MGLL: variants seen among roughly 807,000 people sequenced by gnomAD.
MGLL encodes lysophospholipase homolog.
A neutral mutation model predicts 29.1 loss-of-function variants in MGLL; 7 were observed. The ratio of observed to expected loss-of-function variants is 0.24; its 90% confidence interval spans 0.14 to 0.45. The LOEUF (loss-of-function observed/expected upper bound fraction) is 0.45. Ranked by LOEUF, MGLL falls within the 20% of genes least tolerant of loss-of-function variation. The pLI, the probability that MGLL is intolerant of heterozygous loss-of-function variation, is 0.99. For synonymous variants in MGLL, 148 were observed against 168.3 expected, an observed-to-expected ratio of 0.88 and a Z score of 0.93; for missense variants, 356 against 413.6, an observed-to-expected ratio of 0.86 and a Z score of 1.21.
At chr3:127,763,519 C>CA (rs1323218645) in intron 3 of MGLL, among the ~76,000 whole-genome samples, 2 of 152,212 alleles carry the variant, frequency 1.3e-5, no homozygotes, top group Non-Finnish European at 2.9e-5. Context: ...TTCTGCTTGC[C>CA]AAGGGGCCTG....
At chr3:127,790,708 T>C (rs1312871685) in intron 2 of MGLL, among the ~76,000 whole-genome samples, 6 of 152,206 alleles carry the variant, frequency 3.9e-5, no homozygotes, top group African/African-American at 1.4e-4. Context: ...ACAATTTCCC[T>C]GACTCCCTAT....
chr3:127,747,019 T>A (rs1341183115), intron 3 of MGLL, among the ~76,000 whole-genome samples: 1 of 152,144 alleles, frequency 6.6e-6, no homozygotes, highest in Non-Finnish European at 1.5e-5. Flanking sequence ...CCACCTGAGG[T>A]CACAAGTGGG....
chr3:127,707,567 A>C (rs2075627251), intron 6 of MGLL, among the ~76,000 whole-genome samples: 1 of 152,230 alleles, frequency 6.6e-6, no homozygotes, highest in Non-Finnish European at 1.5e-5. Context: ...TTTGAGTGCC[A>C]AGGGCACTTG....
At chr3:127,731,082 T>C (rs1390163177) in intron 3 of MGLL, among the ~76,000 whole-genome samples, 1 of 152,256 alleles carries the variant, frequency 6.6e-6, no homozygotes, top group Non-Finnish European at 1.5e-5. Flanking sequence ...ACTCTAGCTA[T>C]AGCTGATGCA....
intron 2 of MGLL, among the ~76,000 whole-genome samples, chr3:127,808,234 T>C (rs546544587): frequency 6.6e-6 from 1 of 152,326 alleles, no homozygotes; most frequent in South Asian, 2.1e-4. Flanking sequence ...TTAGGCTCAG[T>C]ACTGTTAGGT....
At chr3:127,768,279 C>T (rs143822616) in intron 3 of MGLL, among the ~76,000 whole-genome samples, 1 of 152,296 alleles carries the variant, frequency 6.6e-6, no homozygotes, top group South Asian at 2.1e-4. Context: ...TAAGAAGGAG[C>T]ACTTCCCAAT....
chr3:127,786,837 T>A (rs2077223313), intron 2 of MGLL, among the ~76,000 whole-genome samples: 1 of 152,146 alleles, frequency 6.6e-6, no homozygotes. Flanking sequence ...AAGCCCCCCA[T>A]CGCTGTCCAC....
chr3:127,742,716 G>GGA (rs1170730895), intron 3 of MGLL, among the ~76,000 whole-genome samples: 1 of 152,060 alleles, frequency 6.6e-6, no homozygotes, highest in Non-Finnish European at 1.5e-5. Flanking sequence ...CCTTTGGTGG[G>GGA]GAGAGAGAGA....
chr3:127,812,475 A>G (rs965759733), intron 2 of MGLL, among the ~76,000 whole-genome samples: 6 of 152,356 alleles, frequency 3.9e-5, no homozygotes, highest in Admixed American at 1.3e-4. Context: ...AAGAAAAAAA[A>G]GGTGAGTAAC....
chr3:127,737,660 G>A (rs1212448800), intron 3 of MGLL, among the ~76,000 whole-genome samples: 2 of 30,710 alleles, frequency 6.5e-5, no homozygotes, highest in African/African-American at 2.7e-4. Context: ...TTTTTTTTTT[G>A]TGAGACAGGG....
chr3:127,775,736 C>T (rs76478695), intron 3 of MGLL, among the ~76,000 whole-genome samples: 3,614 of 152,272 alleles, frequency 0.024, 113 homozygotes, highest in East Asian at 0.076. Context: ...CTCCTGGAGC[C>T]GAGAGTGCGT....
rs11538700 is a variant in MGLL at position 127,692,247 on chromosome 3, A to G, written c.893T>C (p.Met298Thr). The G allele has an allele frequency of 5.0e-6, 8 of 1,614,014 alleles. No individual in the cohort carries two copies. Among genetic ancestry groups the G allele is most frequent in the African/African-American group, 1.3e-5 (1 of 74,918 alleles). The change falls in exon 8 of 8, where the codon ATG (methionine) becomes ACG (threonine). Residue 298 changes from methionine to threonine, a missense_variant. Met to Thr is a moderately conservative substitution (Grantham distance 81, BLOSUM62 -1). Transcript: ENST00000265052. Reference sequence around the variant, plus strand: ...CGTGGCTGTCCTTTGAGAGACCCACATGTTTATTTCATGGAAGACGGAGTT... The same window carrying G: ...CGTGGCTGTCCTTTGAGAGACCCACGTGTTTATTTCATGGAAGACGGAGTT... ...VTNSVFHEIN[M>T]WVSQRTATAG...
chr3:127,722,558 C>T lies in MGLL; in HGVS notation c.271G>A (p.Gly91Arg), dbSNP rs778074591. The T allele has an allele frequency of 6.8e-6, 11 of 1,614,206 alleles. No homozygotes were observed. The highest frequency in any genetic ancestry group is 1.1e-5 in the South Asian group (1 of 91,086). The change falls in exon 4 of 8, where the codon GGA becomes AGA. Residue 91 changes from glycine to arginine, a missense_variant. Physicochemically the swap from Gly to Arg is moderately radical, Grantham distance 125 (BLOSUM62 -2). Coordinates refer to ENST00000265052, the MANE Select transcript of MGLL (RefSeq NM_007283.7). ...ACCATCCTCTCCCCTTCGCTCTGTCCGTGGCCAACTGGAAAGGAACGGGAG... is the reference window on the plus strand; with the variant it reads ...ACCATCCTCTCCCCTTCGCTCTGTCTGTGGCCAACTGGAAAGGAACGGGAG... ...LVFAHDHVGH[G>R]QSEGERMVVS... is the part of the protein sequence containing the mutation.
chr3:127,752,318 C>T (rs1011936670), intron 3 of MGLL, among the ~76,000 whole-genome samples: 3 of 152,170 alleles, frequency 2.0e-5, no homozygotes, highest in African/African-American at 4.8e-5. Context: ...AGGCTGGCCT[C>T]GAACTCCTGA....
chr3:127,721,175 A>G lies in MGLL; in HGVS notation c.400-12T>C. On this transcript the variant is annotated splice_polypyrimidine_tract_variant and intron_variant, in intron 4 of 7. Coordinates refer to ENST00000265052, the MANE Select transcript of MGLL (RefSeq NM_007283.7). ...GCGATGGCGCCTCCCTGTAATGCAG[A>G]ATGGGCAGAGCTGCTGTGTTCGGCT... 1 of 1,611,208 alleles carries G rather than the reference A, an allele frequency of 6.2e-7. No homozygotes were observed.
intron 2 of MGLL, among the ~76,000 whole-genome samples, chr3:127,808,021 A>G (rs1228362572): frequency 1.3e-5 from 2 of 151,930 alleles, no homozygotes; most frequent in Non-Finnish European, 2.9e-5. Context: ...CGGCCTCCCA[A>G]AGTGCTGAGA....
At chr3:127,697,639 G>A (rs996640557) in intron 6 of MGLL, among the ~76,000 whole-genome samples, 14 of 152,198 alleles carry the variant, frequency 9.2e-5, no homozygotes, top group Admixed American at 2.6e-4. Flanking sequence ...CCACGTTCTG[G>A]CCAATAGAAA....
chr3:127,784,542 C>G (rs1470155176), intron 2 of MGLL, among the ~76,000 whole-genome samples: 1 of 152,116 alleles, frequency 6.6e-6, no homozygotes, highest in Non-Finnish European at 1.5e-5. Flanking sequence ...ATAGCCGTCC[C>G]ACTGCAGGCG....
chr3:127,727,383 TA>T lies in MGLL; in HGVS notation c.263-4818del, dbSNP rs566205244. Among the ~76,000 whole-genome samples the T allele has an allele frequency of 5.3e-5, 8 of 152,194 alleles. No homozygotes were observed. In the South Asian group the frequency reaches 1.7e-3, roughly 32 times the overall value. On this transcript the variant is annotated intron_variant, in intron 3 of 7. Coordinates refer to ENST00000265052, the MANE Select transcript of MGLL (RefSeq NM_007283.7). The stretch of plus-strand genomic sequence containing the variant: ...ATGAGACTTAAGAAAACTTAATTCT[TA>T]AAAAATGAGTCCATATAGATATTTT...
Sources: allele counts gnomAD v4.1 joint callset (sites outside exome capture counted in the v4.1 genomes callset), GRCh38; gene constraint gnomAD v4.1.1; transcripts MANE v1.5; gene names NCBI Gene and HGNC (gene_info 2026-07-23, HGNC 2026-07-21).